Variants in XKR6 observed in about 807,000 individuals in gnomAD.
XKR6 encodes XK related 6.
In XKR6, 22 loss-of-function variants were observed where a neutral mutation model predicts 56.7. That is an observed-to-expected ratio of 0.39 (90% CI 0.28 to 0.55). The LOEUF is 0.55. Ranked by LOEUF, XKR6 falls within the 20% of genes least tolerant of loss-of-function variation. The probability of loss-of-function intolerance (pLI) is 0.66; values close to 1 mark genes in which losing one functional copy is unlikely to be tolerated. For synonymous variants in XKR6, 524 were observed against 387.8 expected (o/e 1.35, Z -4.13); for missense variants, 852 against 889.0 (o/e 0.96, Z 0.53).
Position 11,200,088 on chromosome 8 carries a change from A to G in XKR6, c.764+488T>C, listed in dbSNP as rs1804119737. 1.3e-5 allele frequency among the ~76,000 whole-genome samples: 2 copies of G among 152,220 alleles called. No homozygotes were observed. The highest frequency in any genetic ancestry group is 2.4e-5 in the African/African-American group (1 of 41,464). ...GAATCCAGGAGTGCTCGGAGGCGGC[A>G]GCAAGGGTTTTTCCACAGGGCCCCA... On this transcript the variant is annotated intron_variant, in intron 1 of 2. Coordinates refer to ENST00000416569, the MANE Select transcript of XKR6 (RefSeq NM_173683.4). The surrounding 1 kb of genome is among the most constrained non-coding windows in gnomAD (Gnocchi z 6.4).
At chr8:11,119,954 A>G (rs1799365731) in intron 1 of XKR6, among the ~76,000 whole-genome samples, 1 of 152,200 alleles carries the variant, frequency 6.6e-6, no homozygotes, top group African/African-American at 2.4e-5. Context: ...ATCTCAATAG[A>G]TGCAGAAAAG....
chr8:10,954,066 G>C (rs1272777938), intron 1 of XKR6, among the ~76,000 whole-genome samples: 1 of 152,142 alleles, frequency 6.6e-6, no homozygotes, highest in Admixed American at 6.5e-5. Context: ...TTCATCAGTT[G>C]ATAGACATTT....
chr8:11,034,604 G>C (rs1374499757), intron 1 of XKR6, among the ~76,000 whole-genome samples: 1 of 152,220 alleles, frequency 6.6e-6, no homozygotes, highest in African/African-American at 2.4e-5. Context: ...AGGTCAGCCT[G>C]ACAGCAGCTT....
intron 1 of XKR6, among the ~76,000 whole-genome samples, chr8:11,168,025 A>C (rs1228117167): frequency 6.6e-6 from 1 of 151,946 alleles, no homozygotes; most frequent in East Asian, 1.9e-4. Flanking sequence ...GTCACTTGAC[A>C]AAAAAAAGAG....
At chr8:11,027,631 A>G (rs1467446981) in intron 1 of XKR6, among the ~76,000 whole-genome samples, 3 of 152,246 alleles carry the variant, frequency 2.0e-5, no homozygotes, top group Admixed American at 6.5e-5. Flanking sequence ...GCTGATGACT[A>G]TCTTGGGCCA....
chr8:11,040,713 T>C (rs770645121), intron 1 of XKR6, among the ~76,000 whole-genome samples: 1 of 152,150 alleles, frequency 6.6e-6, no homozygotes, highest in Non-Finnish European at 1.5e-5. Context: ...ACTAACACCA[T>C]CACTGGGCTG....
intron 1 of XKR6, among the ~76,000 whole-genome samples, chr8:11,055,485 G>C (rs989325985): frequency 2.8e-4 from 43 of 152,308 alleles, no homozygotes; most frequent in African/African-American, 9.9e-4. Context: ...TCTTTGAGGA[G>C]GCTCCTGGGT....
intron 2 of XKR6, among the ~76,000 whole-genome samples, chr8:10,906,593 CA>C (rs1313469729): frequency 2.6e-5 from 4 of 152,338 alleles, no homozygotes; most frequent in Admixed American, 6.5e-5. Context: ...TCAGGTCTAA[CA>C]GGTTGCTTTG....
At chr8:11,162,478 C>CA (rs1272537157) in intron 1 of XKR6, among the ~76,000 whole-genome samples, 2 of 152,092 alleles carry the variant, frequency 1.3e-5, no homozygotes, top group South Asian at 2.1e-4. Context: ...AAAAAACAAA[C>CA]AAAAAACTCT....
At chr8:11,087,397 C>T (rs977309800) in intron 1 of XKR6, among the ~76,000 whole-genome samples, 1 of 152,218 alleles carries the variant, frequency 6.6e-6, no homozygotes, top group Non-Finnish European at 1.5e-5. Flanking sequence ...TTCCAATTTG[C>T]TCATGTCAAT....
At chr8:10,962,761 G>A (rs1563314580) in intron 1 of XKR6, among the ~76,000 whole-genome samples, 1 of 152,054 alleles carries the variant, frequency 6.6e-6, no homozygotes, top group South Asian at 2.1e-4. Flanking sequence ...AAGTAGCTGG[G>A]ATTACAGGCC....
intron 2 of XKR6, among the ~76,000 whole-genome samples, chr8:10,905,988 GA>G (rs1200711113): frequency 6.6e-6 from 1 of 152,176 alleles, no homozygotes; most frequent in Non-Finnish European, 1.5e-5. Flanking sequence ...GAAGAGGGAA[GA>G]AAACAAGCAT....
chr8:11,050,817 TC>T (rs1426543469), intron 1 of XKR6, among the ~76,000 whole-genome samples: 1 of 151,994 alleles, frequency 6.6e-6, no homozygotes, highest in Non-Finnish European at 1.5e-5. Flanking sequence ...TTGGCCCCAT[TC>T]CTCAACACCT....
chr8:10,963,941 A>T (rs1802138821), intron 1 of XKR6, among the ~76,000 whole-genome samples: 1 of 152,226 alleles, frequency 6.6e-6, no homozygotes, highest in Non-Finnish European at 1.5e-5. Flanking sequence ...GCCACTAGGC[A>T]AGTTAATTCA....
intron 1 of XKR6, among the ~76,000 whole-genome samples, chr8:11,176,238 T>C (rs1348264848): frequency 6.6e-6 from 1 of 152,198 alleles, no homozygotes; most frequent in Non-Finnish European, 1.5e-5. Flanking sequence ...GGCCAACATA[T>C]GCATAAATCC....
At chr8:11,158,923 T>C (rs1801658059) in intron 1 of XKR6, among the ~76,000 whole-genome samples, 1 of 152,186 alleles carries the variant, frequency 6.6e-6, no homozygotes, top group Admixed American at 6.5e-5. Flanking sequence ...CTCTCAGTCT[T>C]ACCCTTCCTG....
At chr8:11,043,852 C>A in intron 1 of XKR6, among the ~76,000 whole-genome samples, 1 of 152,228 alleles carries the variant, frequency 6.6e-6, no homozygotes, top group South Asian at 2.1e-4. Flanking sequence ...ACTGACAGAA[C>A]AGACTCTGTG....
At chr8:11,014,417 A>C (rs1798570787) in intron 1 of XKR6, among the ~76,000 whole-genome samples, 1 of 152,212 alleles carries the variant, frequency 6.6e-6, no homozygotes, top group Middle Eastern at 3.2e-3. Context: ...CCTTCCGTAA[A>C]GGCAGGAAAA....
At chr8:11,005,852 T>C (rs1303334134) in intron 1 of XKR6, among the ~76,000 whole-genome samples, 2 of 147,818 alleles carry the variant, frequency 1.4e-5, no homozygotes, top group South Asian at 2.1e-4. Flanking sequence ...CTTTTTTTTT[T>C]TTTTTTTTTG....
Sources: gnomAD v4.1 joint callset for allele counts (sites outside exome capture counted in the v4.1 genomes callset) on GRCh38, gnomAD v4.1.1 for gene constraint, Gnocchi (gnomAD v3.1) non-coding constraint, MANE v1.5 for transcripts, NCBI Gene and HGNC (gene_info 2026-07-23, HGNC 2026-07-21) for gene names.